The following PLCL1 variants were observed in gnomAD, a reference collection of about 807,000 sequenced individuals.
PLCL1 encodes the protein inactive phospholipase C-like protein 1.
PLCL1 carries 41 observed loss-of-function variants against 84.4 expected under a neutral mutation model. The observed-to-expected ratio is 0.49, with a 90% CI of 0.38 to 0.63. PLCL1 has a LOEUF of 0.63. Ranked by LOEUF, PLCL1 falls within the 30% of genes least tolerant of loss-of-function variation. The pLI is 0.00. For synonymous variants in PLCL1, 490 were observed against 488.3 expected (o/e 1.00, Z -0.05); for missense variants, 1,206 against 1,367.8 (o/e 0.88, Z 1.87).
intron 1 of PLCL1, among the ~76,000 whole-genome samples, chr2:198,083,249 T>G (rs1692766331): frequency 6.6e-6 from 1 of 152,168 alleles, no homozygotes; most frequent in Admixed American, 6.5e-5. Context: ...CACCTTGAAA[T>G]AGCTTCAGGA....
At chr2:197,868,489 G>GT (rs1687587963) in intron 1 of PLCL1, among the ~76,000 whole-genome samples, 1 of 151,944 alleles carries the variant, frequency 6.6e-6, no homozygotes, top group African/African-American at 2.4e-5. Flanking sequence ...AAATCAGTTT[G>GT]TTTTTAAAAA....
chr2:198,124,973 C>T (rs974909645), intron 5 of PLCL1, among the ~76,000 whole-genome samples: 7 of 152,204 alleles, frequency 4.6e-5, no homozygotes, highest in African/African-American at 7.2e-5. Flanking sequence ...CAGGGGCATT[C>T]GTCACATTTC....
At chr2:197,916,586 A>C (rs1208831369) in intron 1 of PLCL1, among the ~76,000 whole-genome samples, 2 of 152,044 alleles carry the variant, frequency 1.3e-5, no homozygotes, top group Non-Finnish European at 2.9e-5. Flanking sequence ...CATCATCATC[A>C]TCATCTTCAT....
chr2:197,913,769 A>G (rs1011516178), intron 1 of PLCL1, among the ~76,000 whole-genome samples: 23 of 152,196 alleles, frequency 1.5e-4, no homozygotes, highest in African/African-American at 5.3e-4. Context: ...AGAATCCTCC[A>G]AACCTATGGT....
chr2:198,058,956 C>G (rs1198040722), intron 1 of PLCL1, among the ~76,000 whole-genome samples: 1 of 152,116 alleles, frequency 6.6e-6, no homozygotes, highest in Non-Finnish European at 1.5e-5. Flanking sequence ...AGGAACTAAC[C>G]TAAGAGAATC....
chr2:198,065,890 A>G (rs1454386962), intron 1 of PLCL1, among the ~76,000 whole-genome samples: 2 of 152,154 alleles, frequency 1.3e-5, no homozygotes, highest in Admixed American at 1.3e-4. Flanking sequence ...TATCTCTTTA[A>G]GCTTGAGACA....
chr2:197,939,079 C>T (rs191279078), intron 1 of PLCL1, among the ~76,000 whole-genome samples: 5 of 152,270 alleles, frequency 3.3e-5, no homozygotes, highest in Non-Finnish European at 1.5e-5. Context: ...GGATCAATGG[C>T]ACTATCTCCA....
At chr2:197,854,081 C>T (rs146105167) in intron 1 of PLCL1, among the ~76,000 whole-genome samples, 73 of 152,238 alleles carry the variant, frequency 4.8e-4, no homozygotes, top group African/African-American at 1.6e-3. Flanking sequence ...GTGATTCTTA[C>T]GCACATTATT....
chr2:197,850,046 A>T (rs1687202649), intron 1 of PLCL1, among the ~76,000 whole-genome samples: 1 of 148,526 alleles, frequency 6.7e-6, no homozygotes. Context: ...ACACACACAC[A>T]CACACACACA....
At chr2:198,078,127 C>T (rs140610543) in intron 1 of PLCL1, among the ~76,000 whole-genome samples, 60 of 152,174 alleles carry the variant, frequency 3.9e-4, no homozygotes, top group Non-Finnish European at 6.0e-4. Flanking sequence ...CAGTTTTGTC[C>T]GTATCAAATC....
chr2:197,929,772 T>C (rs576570972), intron 1 of PLCL1, among the ~76,000 whole-genome samples: 9 of 152,210 alleles, frequency 5.9e-5, no homozygotes, highest in African/African-American at 9.6e-5. Flanking sequence ...ACAGAGACTT[T>C]CCTTTAGTTC....
At chr2:197,817,933 A>G (rs1333386551) in intron 1 of PLCL1, among the ~76,000 whole-genome samples, 1 of 152,004 alleles carries the variant, frequency 6.6e-6, no homozygotes, top group Non-Finnish European at 1.5e-5. Context: ...CTTTTAACCG[A>G]TGGGCACCTG....
intron 1 of PLCL1, among the ~76,000 whole-genome samples, chr2:197,806,641 G>C (rs1054346342): frequency 2.6e-5 from 4 of 152,168 alleles, no homozygotes; most frequent in African/African-American, 9.7e-5. Flanking sequence ...TTCTGGGTGT[G>C]AATTTGGACA....
chr2:198,013,847 A>G (rs532534741), intron 1 of PLCL1, among the ~76,000 whole-genome samples: 16 of 152,234 alleles, frequency 1.1e-4, no homozygotes, highest in African/African-American at 2.9e-4. Flanking sequence ...CTTTGGTATG[A>G]ATACTCTGGG....
intron 1 of PLCL1, among the ~76,000 whole-genome samples, chr2:198,024,762 C>T (rs972389080): frequency 7.2e-6 from 1 of 139,266 alleles, no homozygotes; most frequent in Non-Finnish European, 1.6e-5. Context: ...AAATCTATCT[C>T]AAAAAAAAAA....
At chr2:198,054,629 G>A (rs1273349916) in intron 1 of PLCL1, among the ~76,000 whole-genome samples, 4 of 152,328 alleles carry the variant, frequency 2.6e-5, no homozygotes, top group African/African-American at 4.8e-5. Context: ...AGATGAGCAG[G>A]CTGTTCCTTT....
chr2:197,983,377 G>A (rs1415441169), intron 1 of PLCL1, among the ~76,000 whole-genome samples: 1 of 151,452 alleles, frequency 6.6e-6, no homozygotes, highest in Admixed American at 6.6e-5. Context: ...CCACAGGCGT[G>A]TACCACCACG....
chr2:198,066,309 A>T (rs1007215806), intron 1 of PLCL1, among the ~76,000 whole-genome samples: 1 of 152,108 alleles, frequency 6.6e-6, no homozygotes, highest in African/African-American at 2.4e-5. Flanking sequence ...TTACAATTGT[A>T]TTCTTAATAC....
At chr2:197,949,416 G>A (rs1203373799) in intron 1 of PLCL1, among the ~76,000 whole-genome samples, 1 of 152,166 alleles carries the variant, frequency 6.6e-6, no homozygotes, top group Non-Finnish European at 1.5e-5. Flanking sequence ...CCAGGGACAA[G>A]TGATTCCACT....
Sources: gnomAD v4.1 joint callset for allele counts (sites outside exome capture counted in the v4.1 genomes callset) on GRCh38, gnomAD v4.1.1 for gene constraint, MANE v1.5 for transcripts, NCBI Gene and HGNC (gene_info 2026-07-23, HGNC 2026-07-21) for gene names.